BPNT1: variants seen among roughly 807,000 people sequenced by gnomAD.
BPNT1 encodes the protein 3'(2'), 5'-bisphosphate nucleotidase 1.
BPNT1 carries 28 observed loss-of-function variants against 36.9 expected under a neutral mutation model. The ratio of observed to expected loss-of-function variants is 0.76; its 90% CI spans 0.56 to 1.04. The LOEUF is 1.04. BPNT1 is among the 50% of genes least tolerant of loss of function. The probability of loss-of-function intolerance (pLI) is 0.00; values close to 1 mark genes in which losing one functional copy is unlikely to be tolerated. For missense variants in BPNT1, 313 were observed against 372.9 expected, an observed-to-expected ratio of 0.84 and a Z score of 1.32; for synonymous variants, 119 against 130.9, an observed-to-expected ratio of 0.91 and a Z score of 0.62.
chr1:220,088,131 A>C (rs555896441), intron 1 of BPNT1, among the ~76,000 whole-genome samples: 6 of 151,984 alleles, frequency 3.9e-5, no homozygotes, highest in African/African-American at 1.4e-4. Context: ...TAAGCCTCCC[A>C]AAGTGCTAGG....
At chr1:220,074,583 C>A (rs941452729) in intron 2 of BPNT1, among the ~76,000 whole-genome samples, 3 of 151,864 alleles carry the variant, frequency 2.0e-5, no homozygotes, top group South Asian at 2.1e-4. Context: ...GCAAACTCTG[C>A]CTCCTGGGTT....
At chr1:220,088,819 G>T (rs1403023490) in intron 1 of BPNT1, among the ~76,000 whole-genome samples, 1 of 150,482 alleles carries the variant, frequency 6.6e-6, no homozygotes, top group East Asian at 1.9e-4. Context: ...AGAAAGAAAG[G>T]CTGGGCGCGG....
chr1:220,066,242 T>TAAA, intron 6 of BPNT1: 3 of 527,916 alleles, frequency 5.7e-6, no homozygotes, highest in Non-Finnish European at 9.3e-6. Context: ...ATGAATTAAA[T>TAAA]GCCCCTTTTG....
intron 6 of BPNT1, chr1:220,065,932 A>G: frequency 2.0e-6 from 1 of 488,516 alleles, no homozygotes. Context: ...GGGAAGTGGT[A>G]CAGAGAGAGG....
chr1:220,069,532 A>G, intron 4 of BPNT1, 100 bp from the exon 5 acceptor site: 1 of 856,150 alleles, frequency 1.2e-6, no homozygotes, highest in Non-Finnish European at 1.8e-6. Flanking sequence ...TCCTGTTTGA[A>G]ATTGTATTAT....
chr1:220,067,127 T>TAA, intron 6 of BPNT1, 175 bp downstream of exon 6: 1 of 194,880 alleles, frequency 5.1e-6, no homozygotes, highest in Non-Finnish European at 1.0e-5. Flanking sequence ...ATAGCATAGC[T>TAA]AAAAAAAAAG....
In BPNT1 at chr1:220,057,770, C is replaced by G; in HGVS notation, c.*1074G>C. 2 of 942,760 alleles carry G rather than the reference C, an allele frequency of 2.1e-6. No homozygotes were observed. The highest frequency in any genetic ancestry group is 2.9e-6 in the Non-Finnish European group (2 of 683,602). The allele number at this position is 942,760 out of a possible 1,614,324, so 58.4% of individuals were successfully genotyped here. A position where few individuals can be genotyped will look rare whatever the true frequency, so the allele number is the denominator to read the frequency against. ...TTTAAAAAAAACTTTTCTCATAAAT[C>G]TGTTTCATAAGCATATATAATAACA... On this transcript the variant is annotated 3_prime_UTR_variant, in exon 9 of 9. Transcript: ENST00000322067.
chr1:220,062,774 C>T lies in BPNT1; in HGVS notation c.655G>A (p.Gly219Arg). 6.2e-7 allele frequency: 1 copy of T among 1,614,176 alleles called. No individual in the cohort carries two copies. Residue 219 changes from glycine (G) to arginine (R), a missense_variant, in exon 7 of 9, where the codon GGA becomes AGA. Physicochemically the swap from Gly to Arg is moderately radical, Grantham distance 125. Coordinates refer to ENST00000322067, the MANE Select transcript of BPNT1 (RefSeq NM_006085.6). ...AMNPDAVLRV[G>R]GAGNKIIQLI... ...TTTCATACCTTATTTCCTGCTCCTC[C>T]TACTCGCAGCACAGCATCGGGGTTC...
At chr1:220,059,412 CAAA>C (rs201684232) in intron 8 of BPNT1, among the ~76,000 whole-genome samples, 1 of 106,542 alleles carries the variant, frequency 9.4e-6, no homozygotes. Flanking sequence ...GACCCTGTGT[CAAA>C]AAAAAAAAAA....
chr1:220,078,941 T>A (rs2102735100), intron 2 of BPNT1, among the ~76,000 whole-genome samples: 1 of 152,286 alleles, frequency 6.6e-6, no homozygotes, highest in African/African-American at 2.4e-5. Flanking sequence ...GGTATTTCTT[T>A]TAAGAATTGA....
At chr1:220,063,007 A>G in intron 6 of BPNT1, 53 bp from the exon 7 acceptor site, 1 of 1,561,504 alleles carries the variant, frequency 6.4e-7, no homozygotes. Context: ...GAAGAACGTT[A>G]GCCCATAAAT....
chr1:220,069,711 G>A (rs1485125066), intron 4 of BPNT1, among the ~76,000 whole-genome samples: 1 of 152,084 alleles, frequency 6.6e-6, no homozygotes, highest in Non-Finnish European at 1.5e-5. Flanking sequence ...CGAGGCGGGT[G>A]GATCACCTGA....
chr1:220,086,920 G>A (rs1384445323), intron 1 of BPNT1, among the ~76,000 whole-genome samples: 12 of 149,990 alleles, frequency 8.0e-5, no homozygotes, highest in African/African-American at 2.0e-4. Flanking sequence ...ATTGGCGGGC[G>A]CCTGTAACCC....
chr1:220,065,942 G>T, intron 6 of BPNT1: 1 of 519,928 alleles, frequency 1.9e-6, no homozygotes. Context: ...ACAGAGAGAG[G>T]TAATGAAGAG....
Position 220,069,403 on chromosome 1 carries a change from T to C in BPNT1, c.363A>G (p.Gly121=). ...ATCAACCTTCGGTATATTCCTTGGTTCCATCCAGAGGATCAACCCAGACCA... is the reference window on the plus strand; with the variant it reads ...ATCAACCTTCGGTATATTCCTTGGTCCCATCCAGAGGATCAACCCAGACCA... ...DLVVWVDPLD[G]TKEYTEGLLD... Residue 121 remains glycine (G), a synonymous_variant, in exon 5 of 9, where the codon GGA becomes GGG. Transcript: ENST00000322067. 1 of 1,606,944 alleles carries C rather than the reference T, an allele frequency of 6.2e-7. No individual in the cohort carries two copies. Among genetic ancestry groups the C allele is most frequent in the Non-Finnish European group, 8.5e-7 (1 of 1,176,988 alleles).
intron 5 of BPNT1, among the ~76,000 whole-genome samples, chr1:220,069,065 C>T (rs761777347): frequency 6.6e-6 from 1 of 152,058 alleles, no homozygotes; most frequent in Non-Finnish European, 1.5e-5. Context: ...TACTCGTTAT[C>T]GTTTTTCTAC....
intron 2 of BPNT1, among the ~76,000 whole-genome samples, chr1:220,076,080 G>T (rs1329572776): frequency 6.6e-6 from 1 of 152,082 alleles, no homozygotes; most frequent in Non-Finnish European, 1.5e-5. Flanking sequence ...TAAAAAATGA[G>T]ATTAGGGGCT....
intron 2 of BPNT1, among the ~76,000 whole-genome samples, chr1:220,075,770 A>G (rs371431227): frequency 1.1e-4 from 16 of 152,348 alleles, no homozygotes; most frequent in South Asian, 6.2e-4. Context: ...TTTTTTAAAA[A>G]TAAGGTATCA....
chr1:220,082,081 TATATAGAGAGAGAG>T (rs1191016899), intron 1 of BPNT1, among the ~76,000 whole-genome samples: 8 of 109,806 alleles, frequency 7.3e-5, no homozygotes, highest in Admixed American at 9.9e-5. Context: ...TATATATATA[TATATAGAGAGAGAG>T]AGAGAGAGAG....
Sources: allele counts gnomAD v4.1 joint callset (sites outside exome capture counted in the v4.1 genomes callset), GRCh38; gene constraint gnomAD v4.1.1; transcripts MANE v1.5; gene names NCBI Gene and HGNC (gene_info 2026-07-23, HGNC 2026-07-21).